MTHFD2L: variants seen among roughly 807,000 people sequenced by gnomAD.
The protein encoded by MTHFD2L is methylenetetrahydrofolate dehydrogenase (NADP+ dependent) 2 like, also known as bifunctional methylenetetrahydrofolate dehydrogenase/cyclohydrolase 2, mitochondrial.
A neutral mutation model predicts 34.9 loss-of-function variants in MTHFD2L; 29 were observed. The observed-to-expected ratio is 0.83, with a 90% confidence interval of 0.62 to 1.13. The LOEUF (loss-of-function observed/expected upper bound fraction) is 1.13, where lower values mean the gene tolerates loss of function less well. Among genes scored for constraint, MTHFD2L ranks in the 50% most tolerant of loss-of-function variants. The pLI, the probability that MTHFD2L is intolerant of heterozygous loss-of-function variation, is 0.00. For synonymous variants in MTHFD2L, 167 were observed against 155.7 expected, an observed-to-expected ratio of 1.07 and a Z score of -0.54; for missense variants, 481 against 446.5, an observed-to-expected ratio of 1.08 and a Z score of -0.70.
intron 6 of MTHFD2L, among the ~76,000 whole-genome samples, chr4:74,249,741 G>A (rs1743038824): frequency 1.3e-5 from 2 of 152,000 alleles, no homozygotes; most frequent in African/African-American, 4.8e-5. Context: ...CACTTATGAA[G>A]CTTAGTTTGA....
chr4:74,129,870 T>C (rs1189892642), intron 1 of MTHFD2L, among the ~76,000 whole-genome samples: 1 of 150,984 alleles, frequency 6.6e-6, no homozygotes, highest in Non-Finnish European at 1.5e-5. Flanking sequence ...GAAAGAAGAA[T>C]CAAATAGACA....
Position 74,158,301 on chromosome 4 carries a change from C to G in MTHFD2L, c.143+20C>G, listed in dbSNP as rs1024292481. ...TGTGAGGTACGAGGGCTGCGGGCGC[C>G]GGGTGCGGAGCCGCTGGCGGTGGGA... On this transcript the variant is annotated intron_variant, in intron 1 of 7. Transcript: ENST00000325278. 1.8e-5 allele frequency: 23 copies of G among 1,271,696 alleles called. No individual in the cohort carries two copies. Among genetic ancestry groups the G allele is most frequent in the Non-Finnish European group, 2.3e-5 (23 of 1,006,790 alleles). 78.8% of individuals were successfully genotyped at this position (1,271,696 alleles called of 1,614,324 possible).
chr4:74,285,846 T>G (rs1748105080), intron 7 of MTHFD2L, among the ~76,000 whole-genome samples: 1 of 152,166 alleles, frequency 6.6e-6, no homozygotes, highest in Non-Finnish European at 1.5e-5. Context: ...TAGTTCAAAT[T>G]CATATCCAAT....
intron 5 of MTHFD2L, among the ~76,000 whole-genome samples, chr4:74,219,996 T>C (rs1044111943): frequency 2.0e-5 from 3 of 152,096 alleles, no homozygotes; most frequent in Admixed American, 6.6e-5. Flanking sequence ...TACTTATATG[T>C]GTGTACAAAT....
intron 6 of MTHFD2L, among the ~76,000 whole-genome samples, chr4:74,272,732 G>T (rs543904831): frequency 6.6e-6 from 1 of 152,208 alleles, no homozygotes; most frequent in East Asian, 1.9e-4. Context: ...GCAATAGGCT[G>T]TTTCCCGTTT....
chr4:74,145,402 A>T (rs1042299202), intron 1 of MTHFD2L, among the ~76,000 whole-genome samples: 1 of 152,202 alleles, frequency 6.6e-6, no homozygotes. Flanking sequence ...ATATAAAAAG[A>T]CTTTAGTATC....
chr4:74,219,360 A>G (rs565724798), intron 5 of MTHFD2L, among the ~76,000 whole-genome samples: 13 of 152,232 alleles, frequency 8.5e-5, no homozygotes, highest in African/African-American at 2.9e-4. Flanking sequence ...GTGTTCTCAT[A>G]TGCACTCTAG....
intron 6 of MTHFD2L, among the ~76,000 whole-genome samples, chr4:74,236,578 G>A (rs1405966683): frequency 2.0e-5 from 3 of 152,174 alleles, no homozygotes; most frequent in African/African-American, 4.8e-5. Flanking sequence ...CTTATGACAC[G>A]CCAGGGTCTA....
Position 74,142,834 on chromosome 4 carries a change from C to CA in MTHFD2L, c.-296-17214dup, listed in dbSNP as rs577532123. Among the ~76,000 whole-genome samples the CA allele has an allele frequency of 1.9e-3, 296 of 152,144 alleles. 3 individuals are homozygous for CA. Among genetic ancestry groups the CA allele is most frequent in the African/African-American group, 6.7e-3 (278 of 41,524 alleles). Reference sequence around the variant, plus strand: ...TCAAGGATAATGGGTCAGTCTTGGACAAAAAAATCCCCTGAATCTTAGTAA... The same window carrying CA: ...TCAAGGATAATGGGTCAGTCTTGGACAAAAAAAATCCCCTGAATCTTAGTAA... On this transcript the variant is annotated intron_variant, in intron 1 of 7. Transcript: ENST00000433372.
At chr4:74,143,816 A>G (rs556725213) in intron 1 of MTHFD2L, among the ~76,000 whole-genome samples, 1 of 152,316 alleles carries the variant, frequency 6.6e-6, no homozygotes, top group African/African-American at 2.4e-5. Flanking sequence ...ATAACTTATG[A>G]GAAGAAAGAG....
chr4:74,196,024 A>AT (rs1232187286), intron 3 of MTHFD2L, among the ~76,000 whole-genome samples: 7 of 150,494 alleles, frequency 4.7e-5, no homozygotes, highest in South Asian at 4.2e-4. Context: ...GGGGCCCAAG[A>AT]TTTTTTTTTT....
intron 6 of MTHFD2L, among the ~76,000 whole-genome samples, chr4:74,247,778 A>G (rs545323699): frequency 2.0e-5 from 3 of 152,210 alleles, no homozygotes; most frequent in African/African-American, 7.2e-5. Context: ...ATGCTGGATT[A>G]CATTTAATGA....
intron 6 of MTHFD2L, among the ~76,000 whole-genome samples, chr4:74,232,922 C>G (rs1048559709): frequency 6.6e-6 from 1 of 152,002 alleles, no homozygotes; most frequent in Non-Finnish European, 1.5e-5. Context: ...TTAGATAGTT[C>G]CCTGAGTTTT....
At chr4:74,194,802 A>G (rs572853435) in intron 3 of MTHFD2L, 1 of 152,208 alleles carries the variant, frequency 6.6e-6, no homozygotes, top group Non-Finnish European at 1.5e-5. Flanking sequence ...AGCTGTAACC[A>G]ATCCAGTTGT....
chr4:74,141,942 T>C (rs1431812904), intron 1 of MTHFD2L, among the ~76,000 whole-genome samples: 1 of 152,198 alleles, frequency 6.6e-6, no homozygotes, highest in Non-Finnish European at 1.5e-5. Flanking sequence ...GCTTTCATTA[T>C]GAAAAAAAAT....
intron 5 of MTHFD2L, among the ~76,000 whole-genome samples, chr4:74,214,326 T>G (rs570294530): frequency 5.3e-5 from 8 of 151,914 alleles, no homozygotes; most frequent in Non-Finnish European, 1.2e-4. Flanking sequence ...TTTGTGCTGG[T>G]TTTTCCTCAT....
chr4:74,123,005 A>G (rs535419531), upstream of MTHFD2L, among the ~76,000 whole-genome samples: 32 of 152,180 alleles, frequency 2.1e-4, no homozygotes, highest in Non-Finnish European at 3.8e-4. Flanking sequence ...CAAAGTATGA[A>G]TGCTATAAAA....
chr4:74,254,407 A>G (rs1284285001), intron 6 of MTHFD2L, among the ~76,000 whole-genome samples: 1 of 152,184 alleles, frequency 6.6e-6, no homozygotes, highest in Non-Finnish European at 1.5e-5. Flanking sequence ...CATCTTAAAC[A>G]AGAGAACCCG....
At chr4:74,117,747 CAGA>C (rs1721679580) in intron 2 of MTHFD2L, among the ~76,000 whole-genome samples, 1 of 152,176 alleles carries the variant, frequency 6.6e-6, no homozygotes, top group Non-Finnish European at 1.5e-5. Flanking sequence ...AGAGAGCACA[CAGA>C]TGTAAACACT....
Sources: allele counts gnomAD v4.1 joint callset (sites outside exome capture counted in the v4.1 genomes callset), GRCh38; gene constraint gnomAD v4.1.1; transcripts MANE v1.5; gene names NCBI Gene and HGNC (gene_info 2026-07-23, HGNC 2026-07-21).